Variants in PDZD8 observed in about 807,000 individuals in gnomAD.
PDZD8 encodes PDZ domain-containing protein 8.
In PDZD8, 14 loss-of-function variants were observed where a neutral mutation model predicts 85.8. That is an observed-to-expected ratio of 0.16 (90% CI 0.11 to 0.26). PDZD8 has a LOEUF of 0.26. PDZD8 is among the 10% of genes least tolerant of loss of function. The pLI is 1.00. For missense variants in PDZD8, 1,197 were observed against 1,424.3 expected (o/e 0.84, Z 2.57); for synonymous variants, 592 against 568.6 (o/e 1.04, Z -0.59).
At chr10:117,359,615 G>A (rs1844961491) in intron 1 of PDZD8, among the ~76,000 whole-genome samples, 1 of 151,928 alleles carries the variant, frequency 6.6e-6, no homozygotes, top group Non-Finnish European at 1.5e-5. Flanking sequence ...AGAGGCTGAG[G>A]TGGGAGAATT....
chr10:117,322,185 A>G lies in PDZD8; in HGVS notation c.996-3211T>C, dbSNP rs543518571. Reference sequence around the variant, plus strand: ...GCTAGATCCTAATAAGAACAAACCAAATAAGGGGCCCAAACAGACTTATAA... The same window carrying G: ...GCTAGATCCTAATAAGAACAAACCAGATAAGGGGCCCAAACAGACTTATAA... On this transcript the variant is annotated intron_variant, in intron 2 of 4. Transcript: ENST00000334464. 1.8e-4 allele frequency among the ~76,000 whole-genome samples: 28 copies of G among 152,266 alleles called. No individual in the cohort carries two copies. In the East Asian group the frequency reaches 5.4e-3, roughly 29 times the overall value.
At chr10:117,318,820 G>T in intron 3 of PDZD8, 52 bp downstream of exon 3, 2 of 1,287,810 alleles carry the variant, frequency 1.6e-6, no homozygotes, top group Non-Finnish European at 2.2e-6. Flanking sequence ...ATAAATGCAT[G>T]CTTATAAAAT....
chr10:117,350,208 A>G (rs1844779700), intron 1 of PDZD8, among the ~76,000 whole-genome samples: 1 of 152,048 alleles, frequency 6.6e-6, no homozygotes, highest in East Asian at 1.9e-4. Context: ...TAAGTGGTAG[A>G]ACCAAAATAA....
chr10:117,290,429 G>T, intron 3 of PDZD8, 81 bp from the exon 4 acceptor site: 1 of 1,084,292 alleles, frequency 9.2e-7, no homozygotes, highest in Non-Finnish European at 1.3e-6. Context: ...AGACTGTTAT[G>T]TGCAGAGAGC....
rs1441029135 is a variant in PDZD8, at chr10:117,343,975, C to T, written c.873-2873G>A. On this transcript the variant is annotated intron_variant, in intron 1 of 4. Transcript: ENST00000334464. ...GGCTACCTCTATCACTTTCTTTTAT[C>T]TTCCTATTCCATCATATCATCTTTC... Among the ~76,000 whole-genome samples, 3 of 152,188 alleles carry T rather than the reference C, an allele frequency of 2.0e-5. No homozygotes were observed. The East Asian group carries it at 5.8e-4, about 29-fold the overall frequency.
At chr10:117,301,970 G>C (rs1257839405) in intron 3 of PDZD8, among the ~76,000 whole-genome samples, 2 of 151,998 alleles carry the variant, frequency 1.3e-5, no homozygotes, top group African/African-American at 4.8e-5. Context: ...GTTAGAACTA[G>C]ACTACTATTA....
intron 1 of PDZD8, among the ~76,000 whole-genome samples, chr10:117,366,226 A>T (rs1334517287): frequency 6.6e-6 from 1 of 152,196 alleles, no homozygotes. Flanking sequence ...TACGGTAACA[A>T]AGTTGTATAC....
At chr10:117,362,473 C>T (rs761774945) in intron 1 of PDZD8, among the ~76,000 whole-genome samples, 1 of 152,050 alleles carries the variant, frequency 6.6e-6, no homozygotes, top group Non-Finnish European at 1.5e-5. Flanking sequence ...AATTCCTCAT[C>T]TTCTAATCCT....
At chr10:117,308,373 TAAAC>T (rs1252111287) in intron 3 of PDZD8, among the ~76,000 whole-genome samples, 4 of 151,536 alleles carry the variant, frequency 2.6e-5, no homozygotes, top group Non-Finnish European at 4.4e-5. Flanking sequence ...CAAGAAAAAA[TAAAC>T]AAATAAAATA....
intron 1 of PDZD8, among the ~76,000 whole-genome samples, chr10:117,357,035 C>T (rs556524277): frequency 6.6e-6 from 1 of 152,224 alleles, no homozygotes; most frequent in South Asian, 2.1e-4. Flanking sequence ...AGAATGCATT[C>T]AAGTCTAAAT....
At chr10:117,287,016 C>T (rs1844675784) in intron 4 of PDZD8, among the ~76,000 whole-genome samples, 1 of 152,168 alleles carries the variant, frequency 6.6e-6, no homozygotes, top group Non-Finnish European at 1.5e-5. Context: ...CTCTTTTACT[C>T]TGTGCATGCT....
chr10:117,305,012 T>C (rs1428612105), intron 3 of PDZD8, among the ~76,000 whole-genome samples: 4 of 152,198 alleles, frequency 2.6e-5, no homozygotes, highest in Non-Finnish European at 4.4e-5. Context: ...CAAAAAGTCA[T>C]CCATGTCTGT....
intron 3 of PDZD8, among the ~76,000 whole-genome samples, chr10:117,295,164 C>A (rs575915094): frequency 6.6e-6 from 1 of 151,868 alleles, no homozygotes; most frequent in Non-Finnish European, 1.5e-5. Context: ...AAAAAACCCA[C>A]CACCACCAAC....
intron 4 of PDZD8, among the ~76,000 whole-genome samples, chr10:117,287,933 A>G (rs1264235484): frequency 6.6e-6 from 1 of 152,190 alleles, no homozygotes; most frequent in Non-Finnish European, 1.5e-5. Context: ...GCATAAATGA[A>G]AAATTAGTCC....
At chr10:117,357,574 T>G (rs1232719854) in intron 1 of PDZD8, among the ~76,000 whole-genome samples, 1 of 151,678 alleles carries the variant, frequency 6.6e-6, no homozygotes, top group East Asian at 1.9e-4. Flanking sequence ...GAGAACAGCC[T>G]GGCCAACATG....
chr10:117,332,202 A>G (rs1440343359), intron 2 of PDZD8, among the ~76,000 whole-genome samples: 1 of 152,204 alleles, frequency 6.6e-6, no homozygotes, highest in Non-Finnish European at 1.5e-5. Flanking sequence ...CTGGTTTTCA[A>G]AAGCATTCAT....
chr10:117,363,759 C>T (rs1281419957), intron 1 of PDZD8, among the ~76,000 whole-genome samples: 2 of 152,090 alleles, frequency 1.3e-5, no homozygotes, highest in Non-Finnish European at 2.9e-5. Context: ...TTATGCAAAT[C>T]AAAGCCCAGA....
Position 117,283,063 on chromosome 10 carries a change from T to C in PDZD8, c.*205A>G, listed in dbSNP as rs1221447243. 12 of 483,714 alleles carry C rather than the reference T, an allele frequency of 2.5e-5. No homozygotes were observed. Among genetic ancestry groups the C allele is most frequent in the Non-Finnish European group, 3.9e-5 (11 of 279,916 alleles). The allele number at this position is 483,714 out of a possible 1,614,324, so 30.0% of individuals were successfully genotyped here. ...TTCCCAGTATAAACCCAAAAAAGCA[T>C]AGCTATAAATGCAATCCAAAACAAC... On this transcript the variant is annotated 3_prime_UTR_variant, in exon 5 of 5. Transcript: ENST00000334464.
chr10:117,356,894 A>G (rs542937556), intron 1 of PDZD8, among the ~76,000 whole-genome samples: 2 of 152,308 alleles, frequency 1.3e-5, no homozygotes, highest in East Asian at 3.9e-4. Flanking sequence ...CATGATATAG[A>G]ATCTTTTATC....
Sources: gnomAD v4.1 joint callset for allele counts (sites outside exome capture counted in the v4.1 genomes callset) on GRCh38, gnomAD v4.1.1 for gene constraint, MANE v1.5 for transcripts, NCBI Gene and HGNC (gene_info 2026-07-23, HGNC 2026-07-21) for gene names.